SLC30A7: variants seen among roughly 807,000 people sequenced by gnomAD.
SLC30A7 encodes the protein zinc transporter 7.
A neutral mutation model predicts 46.0 loss-of-function variants in SLC30A7; 35 were observed. That is an observed-to-expected ratio of 0.76 (90% CI 0.58 to 1.01). The LOEUF is 1.01. Among genes scored for constraint, SLC30A7 ranks in the 50% least tolerant of loss-of-function variants. The pLI is 0.00. For missense variants in SLC30A7, 464 were observed against 451.1 expected, an observed-to-expected ratio of 1.03 and a Z score of -0.26; for synonymous variants, 147 against 157.8, an observed-to-expected ratio of 0.93 and a Z score of 0.51.
At chr1:100,939,799 A>G (rs1654236225) in intron 8 of SLC30A7, among the ~76,000 whole-genome samples, 1 of 151,838 alleles carries the variant, frequency 6.6e-6, no homozygotes, top group Non-Finnish European at 1.5e-5. Context: ...CAGTGAGCTG[A>G]GATCGTGCCA....
intron 8 of SLC30A7, among the ~76,000 whole-genome samples, chr1:100,939,099 A>G (rs985839881): frequency 6.6e-6 from 1 of 152,244 alleles, no homozygotes; most frequent in Non-Finnish European, 1.5e-5. Flanking sequence ...CTTAAGGTGT[A>G]ACACTAGAGG....
At chr1:100,926,813 A>G (rs924265239) in intron 8 of SLC30A7, among the ~76,000 whole-genome samples, 3 of 152,252 alleles carry the variant, frequency 2.0e-5, no homozygotes, top group Non-Finnish European at 2.9e-5. Flanking sequence ...GAGACAGTCA[A>G]TAAAGCAAAC....
intron 2 of SLC30A7, among the ~76,000 whole-genome samples, chr1:100,897,496 A>G (rs1024084655): frequency 3.3e-5 from 5 of 152,206 alleles, no homozygotes; most frequent in Admixed American, 1.3e-4. Flanking sequence ...AGAATTGTAC[A>G]TAAAGCTTCA....
At chr1:100,991,488 A>C in the SLC30A7 span, among the ~76,000 whole-genome samples, 2 of 152,134 alleles carry the variant, frequency 1.3e-5, no homozygotes, top group African/African-American at 4.8e-5. Context: ...ATAAGCAACA[A>C]TCACTCAAGA....
intron 8 of SLC30A7, among the ~76,000 whole-genome samples, chr1:100,955,078 C>G (rs1655157366): frequency 6.6e-6 from 1 of 151,984 alleles, no homozygotes; most frequent in Non-Finnish European, 1.5e-5. Context: ...CATTTATTCT[C>G]AGATCTAAGT....
intron 3 of SLC30A7, among the ~76,000 whole-genome samples, chr1:100,910,717 CTTCT>C (rs1557977641): frequency 6.6e-6 from 1 of 152,064 alleles, no homozygotes; most frequent in East Asian, 1.9e-4. Flanking sequence ...GCCGTTAATC[CTTCT>C]TTCTTTGTCC....
rs1024783188 is a variant in SLC30A7, at chr1:100,909,335, TA to T, written c.297-1727del. 1.4e-4 allele frequency among the ~76,000 whole-genome samples: 21 copies of T among 152,144 alleles called. 1 individual carries two copies. On this transcript the variant is annotated intron_variant, in intron 3 of 10. Transcript: ENST00000357650. ...GCAAGGACTTTTAAGTATTTCTTTA[TA>T]TAAAAGTCATCTTTGTGTCTTGCCA... is the stretch of plus-strand genomic sequence containing the variant.
At position 100,979,640 on chromosome 1, in the gene SLC30A7, C is replaced by T. The variant is rs1656809715; in HGVS notation, c.*4783C>T. 6.6e-6 allele frequency: 1 copy of T among 152,074 alleles called. No homozygotes were observed. The highest frequency in any genetic ancestry group is 1.5e-5 in the Non-Finnish European group (1 of 67,986). The allele number at this position is 152,074 out of a possible 1,614,324, so 9.4% of individuals were successfully genotyped here. A position where few individuals can be genotyped will look rare whatever the true frequency, so the allele number is the denominator to read the frequency against. ...CCTTCATGTTATTACATTTAATCCTCAAATTTCTACAAAGGAATAATTTTG... is the reference window on the plus strand; with the variant it reads ...CCTTCATGTTATTACATTTAATCCTTAAATTTCTACAAAGGAATAATTTTG... On this transcript the variant is annotated 3_prime_UTR_variant, in exon 11 of 11. Coordinates refer to ENST00000357650, the MANE Select transcript of SLC30A7 (RefSeq NM_133496.5).
At chr1:100,966,980 A>G (rs898464874) in intron 10 of SLC30A7, among the ~76,000 whole-genome samples, 6 of 152,232 alleles carry the variant, frequency 3.9e-5, no homozygotes, top group African/African-American at 1.2e-4. Context: ...CAACCAAGTT[A>G]TTTCAGTTAA....
chr1:100,967,561 T>G (rs1159450788), intron 10 of SLC30A7, among the ~76,000 whole-genome samples: 1 of 152,180 alleles, frequency 6.6e-6, no homozygotes, highest in Non-Finnish European at 1.5e-5. Flanking sequence ...TGGTTGAAAC[T>G]GACATTATAT....
At chr1:100,916,864 G>A (rs554771528) in intron 6 of SLC30A7, among the ~76,000 whole-genome samples, 185 of 152,112 alleles carry the variant, frequency 1.2e-3, no homozygotes, top group South Asian at 3.9e-3. Flanking sequence ...AACATGCAAT[G>A]TTTGTCGTTC....
intron 8 of SLC30A7, chr1:100,941,456 C>G: frequency 2.3e-6 from 1 of 442,374 alleles, no homozygotes; most frequent in East Asian, 5.3e-5. Flanking sequence ...ACAATTGTGG[C>G]CATTCACAGT....
At chr1:100,914,314 G>A (rs1326202773) in intron 6 of SLC30A7, among the ~76,000 whole-genome samples, 1 of 151,950 alleles carries the variant, frequency 6.6e-6, no homozygotes, top group African/African-American at 2.4e-5. Flanking sequence ...CTATTTTTTT[G>A]TACTCATTAA....
chr1:100,896,726 A>G, intron 2 of SLC30A7, 55 bp downstream of exon 2: 1 of 1,477,864 alleles, frequency 6.8e-7, no homozygotes, highest in Non-Finnish European at 9.4e-7. Context: ...GAGACGAAGC[A>G]CTGTTTGCTT....
chr1:100,990,501 T>C, the SLC30A7 span: 1 of 1,614,184 alleles, frequency 6.2e-7, no homozygotes, highest in South Asian at 1.1e-5. Flanking sequence ...TGCTGCCTCC[T>C]GTGATGATCA....
At chr1:100,923,406 G>C (rs1037135558) in intron 8 of SLC30A7, among the ~76,000 whole-genome samples, 3 of 152,040 alleles carry the variant, frequency 2.0e-5, no homozygotes, top group Non-Finnish European at 4.4e-5. Context: ...TAAAAAAATA[G>C]GATATACATT....
intron 9 of SLC30A7, among the ~76,000 whole-genome samples, chr1:100,964,497 C>G (rs1490848925): frequency 6.6e-6 from 1 of 151,608 alleles, no homozygotes; most frequent in African/African-American, 2.4e-5. Flanking sequence ...TTGAGGCTCA[C>G]CTTAGGTCCA....
the SLC30A7 span, among the ~76,000 whole-genome samples, chr1:100,988,594 C>T: frequency 6.6e-6 from 1 of 152,060 alleles, no homozygotes; most frequent in South Asian, 2.1e-4. Context: ...GCCTGTAATC[C>T]CAGCACTTTG....
In SLC30A7 at chr1:100,912,725, C is replaced by CA. The variant is rs905737480; in HGVS notation, c.511+495dup. Among the ~76,000 whole-genome samples the CA allele has an allele frequency of 2.4e-4, 36 of 149,192 alleles. No individual in the cohort carries two copies. In the East Asian group the frequency reaches 4.9e-3, roughly 20 times the overall value. On this transcript the variant is annotated intron_variant, in intron 5 of 10. Transcript: ENST00000357650. ...GTGAGACTCCATCTCAAAAAAAAAA[C>CA]AAAAAAAACAGGCATGATGGCGCAT...
Sources: gnomAD v4.1 joint callset for allele counts (sites outside exome capture counted in the v4.1 genomes callset) on GRCh38, gnomAD v4.1.1 for gene constraint, MANE v1.5 for transcripts, NCBI Gene and HGNC (gene_info 2026-07-23, HGNC 2026-07-21) for gene names.